Variants in SLC35A1 observed in about 807,000 individuals in gnomAD.
SLC35A1 encodes the protein CMP-sialic acid transporter.
In SLC35A1, 21 loss-of-function variants were observed where a neutral mutation model predicts 40.3. The ratio of observed to expected loss-of-function variants is 0.52; its 90% CI spans 0.37 to 0.75. The LOEUF (loss-of-function observed/expected upper bound fraction) is 0.75, where lower values mean the gene tolerates loss of function less well. SLC35A1 is among the 30% of genes least tolerant of loss of function. The pLI is 0.00. For missense variants in SLC35A1, 297 were observed against 382.1 expected, an observed-to-expected ratio of 0.78 and a Z score of 1.86; for synonymous variants, 146 against 147.3, an observed-to-expected ratio of 0.99 and a Z score of 0.06.
At chr6:87,505,533 CT>C (rs1393324099) in intron 4 of SLC35A1, among the ~76,000 whole-genome samples, 1 of 152,162 alleles carries the variant, frequency 6.6e-6, no homozygotes, top group Middle Eastern at 3.2e-3. Flanking sequence ...CCATTTTCTG[CT>C]GCTATAACAG....
At chr6:87,502,271 C>T (rs1050697927) in intron 4 of SLC35A1, among the ~76,000 whole-genome samples, 2 of 152,164 alleles carry the variant, frequency 1.3e-5, no homozygotes, top group Admixed American at 6.5e-5. Flanking sequence ...ATCCTAAAAC[C>T]CCACTGTCTC....
chr6:87,500,188 C>A (rs887967998), intron 2 of SLC35A1, among the ~76,000 whole-genome samples: 1 of 152,070 alleles, frequency 6.6e-6, no homozygotes. Context: ...GTTAAAGTAG[C>A]AGGGGATGAA....
chr6:87,506,809 T>C (rs1371751415), intron 5 of SLC35A1: 4 of 291,760 alleles, frequency 1.4e-5, no homozygotes, highest in Middle Eastern at 1.2e-3. Flanking sequence ...CCTGCTGCTT[T>C]AGGTTGTTAA....
chr6:87,504,328 C>A (rs973188967), intron 4 of SLC35A1, among the ~76,000 whole-genome samples: 12 of 151,566 alleles, frequency 7.9e-5, no homozygotes, highest in Admixed American at 4.6e-4. Flanking sequence ...CAAGCCTCCA[C>A]TTATTCTGAG....
chr6:87,501,008 C>T, intron 3 of SLC35A1, 150 bp from the exon 4 acceptor site: 1 of 779,738 alleles, frequency 1.3e-6, no homozygotes, highest in Non-Finnish European at 2.1e-6. Context: ...CCTCGGCCTC[C>T]CAAAGTTCTG....
At chr6:87,494,377 C>T (rs1028143813) in intron 2 of SLC35A1, among the ~76,000 whole-genome samples, 3 of 150,924 alleles carry the variant, frequency 2.0e-5, no homozygotes, top group South Asian at 2.1e-4. Context: ...TTGGATATTG[C>T]GAAAGCTGTA....
intron 1 of SLC35A1, 105 bp from the exon 2 acceptor site, chr6:87,477,257 T>C: frequency 9.0e-7 from 1 of 1,105,642 alleles, no homozygotes; most frequent in East Asian, 2.6e-5. Context: ...TAGAAAATAT[T>C]TTGTGCTTGG....
At chr6:87,485,464 TAAG>T (rs1464698557) in intron 2 of SLC35A1, among the ~76,000 whole-genome samples, 3 of 152,116 alleles carry the variant, frequency 2.0e-5, no homozygotes, top group African/African-American at 7.2e-5. Context: ...GGAGAAAAAT[TAAG>T]AAGAACTTAG....
intron 2 of SLC35A1, among the ~76,000 whole-genome samples, chr6:87,495,780 C>T (rs543242985): frequency 3.3e-5 from 5 of 152,032 alleles, no homozygotes; most frequent in Admixed American, 6.5e-5. Context: ...CTCAGCCTCC[C>T]GAGTAGCTGG....
At chr6:87,483,024 T>G (rs1400760662) in intron 2 of SLC35A1, among the ~76,000 whole-genome samples, 4 of 152,218 alleles carry the variant, frequency 2.6e-5, no homozygotes, top group Non-Finnish European at 4.4e-5. Context: ...TTTCAGGCTG[T>G]GCCCTTGTTT....
intron 1 of SLC35A1, among the ~76,000 whole-genome samples, 194 bp from the exon 2 acceptor site, chr6:87,477,168 T>G (rs908779550): frequency 4.8e-5 from 7 of 145,444 alleles, no homozygotes; most frequent in Non-Finnish European, 6.2e-5. Context: ...TCAGCTGTGG[T>G]GTGTGTGTGT....
intron 1 of SLC35A1, among the ~76,000 whole-genome samples, chr6:87,477,134 T>C (rs984291789): frequency 2.0e-5 from 3 of 151,926 alleles, no homozygotes; most frequent in African/African-American, 4.8e-5. Context: ...ACAAAACTTA[T>C]GCCTAATTGG....
intron 2 of SLC35A1, among the ~76,000 whole-genome samples, chr6:87,498,411 TTTTCTC>T (rs771546753): frequency 7.9e-5 from 12 of 152,182 alleles, no homozygotes; most frequent in Non-Finnish European, 8.8e-5. Flanking sequence ...TTTAATCTCT[TTTTCTC>T]TAATTTTTTC....
chr6:87,511,387 T>C lies in SLC35A1; in HGVS notation c.887-12T>C. 6.2e-7 allele frequency: 1 copy of C among 1,613,628 alleles called. No individual in the cohort carries two copies. The highest frequency in any genetic ancestry group is 8.5e-7 in the Non-Finnish European group (1 of 1,179,814). ...CACATACAGATAAAGCTATTTTTTTTTTTCTTTTCAGCACTCACCTTTGCC... is the reference window on the plus strand; with the variant it reads ...CACATACAGATAAAGCTATTTTTTTCTTTCTTTTCAGCACTCACCTTTGCC... On this transcript the variant is annotated splice_polypyrimidine_tract_variant and intron_variant, in intron 7 of 7. Coordinates refer to ENST00000369552, the MANE Select transcript of SLC35A1 (RefSeq NM_006416.5).
chr6:87,488,191 G>A (rs1360610483), intron 2 of SLC35A1: 10 of 152,126 alleles, frequency 6.6e-5, no homozygotes, highest in Non-Finnish European at 1.3e-4. Context: ...AGAGGTCTGG[G>A]CTAGAGATAT....
At chr6:87,485,778 T>A (rs1245537993) in intron 2 of SLC35A1, among the ~76,000 whole-genome samples, 1 of 151,576 alleles carries the variant, frequency 6.6e-6, no homozygotes, top group Non-Finnish European at 1.5e-5. Context: ...AAAAAAAAAA[T>A]TAGAAGAACT....
intron 2 of SLC35A1, among the ~76,000 whole-genome samples, chr6:87,492,430 T>C (rs566607225): frequency 2.6e-5 from 4 of 152,162 alleles, no homozygotes; most frequent in Non-Finnish European, 5.9e-5. Context: ...AGTTTTATGA[T>C]TAAATTTAGG....
At chr6:87,479,580 G>C (rs184641583) in intron 2 of SLC35A1, among the ~76,000 whole-genome samples, 9 of 152,328 alleles carry the variant, frequency 5.9e-5, no homozygotes, top group African/African-American at 2.2e-4. Flanking sequence ...GGGCAGTGTT[G>C]TTTGGGATGA....
rs368233315 is a variant in SLC35A1 at position 87,512,102 on chromosome 6, CTGAGTACCCCTTTAG to C, written c.*594_*608del. On this transcript the variant is annotated 3_prime_UTR_variant, in exon 8 of 8. Coordinates refer to ENST00000369552, the MANE Select transcript of SLC35A1 (RefSeq NM_006416.5). Reference sequence around the variant, plus strand: ...AACTCGGACAATTTCTGGGTGGTGACTGAGTACCCCTTTAGTGAGTACCCCTTTAGTGCTATATTT... The same window carrying C: ...AACTCGGACAATTTCTGGGTGGTGACTGAGTACCCCTTTAGTGCTATATTT... The C allele has an allele frequency of 2.8e-3, 458 of 161,360 alleles. No individual in the cohort carries two copies. Among genetic ancestry groups the C allele is most frequent in the African/African-American group, 5.1e-3 (213 of 41,624 alleles). 10.0% of individuals were successfully genotyped at this position (161,360 alleles called of 1,614,324 possible). A position where few individuals can be genotyped will look rare whatever the true frequency, so the allele number is the denominator to read the frequency against.
Sources: allele counts gnomAD v4.1 joint callset (sites outside exome capture counted in the v4.1 genomes callset), GRCh38; gene constraint gnomAD v4.1.1; transcripts MANE v1.5; gene names NCBI Gene and HGNC (gene_info 2026-07-23, HGNC 2026-07-21).